TAFA2: variants seen among roughly 807,000 people sequenced by gnomAD.
The protein encoded by TAFA2 is chemokine-like protein TAFA-2.
In TAFA2, 7 loss-of-function variants were observed where a neutral mutation model predicts 18.8. The observed-to-expected ratio is 0.37, with a 90% CI of 0.21 to 0.70. The LOEUF is 0.70. Among genes scored for constraint, TAFA2 ranks in the 30% least tolerant of loss-of-function variants. The pLI, the probability that TAFA2 is intolerant of heterozygous loss-of-function variation, is 0.53. For synonymous variants in TAFA2, 60 were observed against 54.2 expected (o/e 1.11, Z -0.47); for missense variants, 122 against 158.1 (o/e 0.77, Z 1.23).
At chr12:62,032,685 C>A (rs931791904) in intron 1 of TAFA2, among the ~76,000 whole-genome samples, 4 of 151,632 alleles carry the variant, frequency 2.6e-5, no homozygotes, top group East Asian at 1.9e-4. Flanking sequence ...TAAAAAAAAT[C>A]TGTGGCTCCT....
At chr12:62,081,406 C>G (rs1868320993) in intron 1 of TAFA2, among the ~76,000 whole-genome samples, 1 of 152,018 alleles carries the variant, frequency 6.6e-6, no homozygotes, top group African/African-American at 2.4e-5. Context: ...AATATTTTTC[C>G]ACAGCAAGTT....
At chr12:62,143,662 C>T (rs1282433363) in intron 1 of TAFA2, among the ~76,000 whole-genome samples, 4 of 152,116 alleles carry the variant, frequency 2.6e-5, no homozygotes, top group Non-Finnish European at 5.9e-5. Flanking sequence ...CTAATGGCAG[C>T]CTCTGCCCAC....
chr12:61,872,690 T>C (rs10735899), intron 1 of TAFA2, among the ~76,000 whole-genome samples: 123,825 of 152,114 alleles, frequency 0.81, 50,435 homozygotes, highest in East Asian at 0.93. Flanking sequence ...GCACACTGGC[T>C]CTCCCACTAT....
intron 2 of TAFA2, among the ~76,000 whole-genome samples, chr12:61,779,099 T>A (rs1448680588): frequency 1.3e-5 from 2 of 151,892 alleles, no homozygotes; most frequent in East Asian, 3.9e-4. Flanking sequence ...ACATTTATCA[T>A]CATAATGTAA....
At chr12:62,116,932 A>G (rs919917065) in intron 1 of TAFA2, among the ~76,000 whole-genome samples, 4 of 152,238 alleles carry the variant, frequency 2.6e-5, no homozygotes, top group Admixed American at 2.0e-4. Flanking sequence ...TTGGGGTAGG[A>G]CCCTAATCCA....
At chr12:62,169,504 C>T (rs61446380) in intron 1 of TAFA2, among the ~76,000 whole-genome samples, 36,932 of 151,934 alleles carry the variant, frequency 0.24, 4,986 homozygotes, top group Non-Finnish European at 0.3. Context: ...TATAATAATT[C>T]GTAAAGCCAC....
chr12:62,127,972 A>C (rs1870532236), intron 1 of TAFA2, among the ~76,000 whole-genome samples: 1 of 152,006 alleles, frequency 6.6e-6, no homozygotes, highest in African/African-American at 2.4e-5. Context: ...AACACATTTG[A>C]GGGTATCAAG....
intron 1 of TAFA2, among the ~76,000 whole-genome samples, chr12:61,896,923 T>C (rs1875871381): frequency 6.6e-6 from 1 of 152,198 alleles, no homozygotes; most frequent in African/African-American, 2.4e-5. Flanking sequence ...ATAAAAGTTA[T>C]CTGATAACAT....
rs568981087 is a variant in TAFA2, at chr12:61,927,682, A to C, written c.-1-60256T>G. The stretch of plus-strand genomic sequence containing the variant: ...CTACTTTAAATTTCATATGGAATCA[A>C]AAAAGAGTCCGTATAGCCAAGACAA... On this transcript the variant is annotated intron_variant, in intron 1 of 4. Transcript: ENST00000416284. 1.2e-4 allele frequency among the ~76,000 whole-genome samples: 18 copies of C among 152,318 alleles called. No homozygotes were observed. In the South Asian group the frequency reaches 3.7e-3, roughly 32 times the overall value.
intron 1 of TAFA2, among the ~76,000 whole-genome samples, chr12:62,012,504 C>T (rs563566431): frequency 6.6e-6 from 1 of 151,930 alleles, no homozygotes; most frequent in East Asian, 1.9e-4. Flanking sequence ...TGAGACATTT[C>T]CTATTTTTAT....
At position 61,863,857 on chromosome 12, in the gene TAFA2, G is replaced by A. The variant is rs141272605; in HGVS notation, c.106+3463C>T. On this transcript the variant is annotated intron_variant, in intron 2 of 4. Coordinates refer to ENST00000416284, the MANE Select transcript of TAFA2 (RefSeq NM_178539.5). ...GGCCACTCCTTGCCATGGGGAACAGGCCAGTAGCTAATGGCCAATGGACAC... is the reference window on the plus strand; with the variant it reads ...GGCCACTCCTTGCCATGGGGAACAGACCAGTAGCTAATGGCCAATGGACAC... 1.7e-3 allele frequency among the ~76,000 whole-genome samples: 255 copies of A among 152,242 alleles called. 1 individual carries two copies. Among genetic ancestry groups the A allele is most frequent in the Middle Eastern group, 3.4e-3 (1 of 294 alleles).
At chr12:61,996,790 G>T (rs545748748) in intron 1 of TAFA2, among the ~76,000 whole-genome samples, 73 of 152,112 alleles carry the variant, frequency 4.8e-4, no homozygotes, top group African/African-American at 1.7e-3. Flanking sequence ...GGGGTGGGAG[G>T]GATCTAAGTC....
chr12:62,153,131 A>G (rs992901952), intron 1 of TAFA2, among the ~76,000 whole-genome samples: 1 of 152,330 alleles, frequency 6.6e-6, no homozygotes, highest in Middle Eastern at 3.4e-3. Flanking sequence ...AGGTCCAGCT[A>G]TGATGCATGA....
At chr12:62,021,474 C>CT (rs34094332) in intron 1 of TAFA2, 99,248 of 413,020 alleles carry the variant, frequency 0.24, 7,568 homozygotes, top group East Asian at 0.4. Context: ...CTGCATCATT[C>CT]TTTTTTTTTT....
chr12:61,799,432 A>G (rs1871315450), intron 2 of TAFA2, among the ~76,000 whole-genome samples: 1 of 152,200 alleles, frequency 6.6e-6, no homozygotes, highest in Non-Finnish European at 1.5e-5. Context: ...CCCTTCCAAA[A>G]GGGCAAAGAA....
intron 1 of TAFA2, among the ~76,000 whole-genome samples, chr12:61,873,135 A>G (rs1386342094): frequency 6.6e-6 from 1 of 152,118 alleles, no homozygotes; most frequent in Admixed American, 6.5e-5. Flanking sequence ...TTTTTAATGG[A>G]GAAGTTTTAT....
intron 1 of TAFA2, among the ~76,000 whole-genome samples, chr12:62,227,541 T>C (rs1029497886): frequency 6.6e-6 from 1 of 152,242 alleles, no homozygotes; most frequent in South Asian, 2.1e-4. Context: ...GTTGGATAGA[T>C]ACCGAGCAAT....
At chr12:61,864,772 CAAAA>C (rs34286549) in intron 2 of TAFA2, among the ~76,000 whole-genome samples, 1 of 78,406 alleles carries the variant, frequency 1.3e-5, no homozygotes, top group Non-Finnish European at 2.5e-5. Flanking sequence ...GACTCCGTCT[CAAAA>C]AAAAAAAAAA....
chr12:61,805,810 C>T (rs1871587741), intron 2 of TAFA2, among the ~76,000 whole-genome samples: 1 of 152,080 alleles, frequency 6.6e-6, no homozygotes, highest in Non-Finnish European at 1.5e-5. Flanking sequence ...ATATTCTATT[C>T]CTAGAGCCCT....
Sources: gnomAD v4.1 joint callset for allele counts (sites outside exome capture counted in the v4.1 genomes callset) on GRCh38, gnomAD v4.1.1 for gene constraint, MANE v1.5 for transcripts, NCBI Gene and HGNC (gene_info 2026-07-23, HGNC 2026-07-21) for gene names.